Variants in SPATA22 observed in about 807,000 individuals in gnomAD.
The protein encoded by SPATA22 is spermatogenesis associated 22, also known as spermatogenesis-associated protein 22.
In SPATA22, 29 loss-of-function variants were observed where a neutral mutation model predicts 47.8. The ratio of observed to expected loss-of-function variants is 0.61; its 90% CI spans 0.45 to 0.83. SPATA22 has a LOEUF of 0.83. Ranked by LOEUF, SPATA22 falls within the 40% of genes least tolerant of loss-of-function variation. The pLI is 0.00. For missense variants in SPATA22, 410 were observed against 421.7 expected (o/e 0.97, Z 0.24); for synonymous variants, 133 against 140.9 (o/e 0.94, Z 0.40).
chr17:3,446,857 A>G (rs1403019433), intron 6 of SPATA22, among the ~76,000 whole-genome samples: 1 of 152,166 alleles, frequency 6.6e-6, no homozygotes, highest in Non-Finnish European at 1.5e-5. Flanking sequence ...TCATTCATTG[A>G]CTATTTTAAA....
In SPATA22 at chr17:3,462,573, A is replaced by G. The variant is rs564978400; in HGVS notation, c.239T>C (p.Ile80Thr). The G allele has an allele frequency of 1.2e-6, 2 of 1,612,384 alleles. No individual in the cohort carries two copies. The highest frequency in any genetic ancestry group is 2.2e-5 in the South Asian group (2 of 90,804). ...CAGAGGACGAGAAACTGAATGTGGT[A>G]TTTGCCTTTCAAGGGAATATGTCTT... is the stretch of plus-strand genomic sequence containing the variant. ...PVMKTVDTGQIPHSVSRPLRS... is the reference protein window; with the variant it reads ...PVMKTVDTGQTPHSVSRPLRS... Residue 80 changes from isoleucine (I) to threonine (T), a missense_variant, in exon 5 of 9, where the codon ATA (isoleucine) becomes ACA (threonine). Coordinates refer to ENST00000572969, the MANE Select transcript of SPATA22 (RefSeq NM_001170698.2).
intron 5 of SPATA22, among the ~76,000 whole-genome samples, chr17:3,452,977 C>G (rs756907971): frequency 1.4e-4 from 22 of 152,202 alleles, no homozygotes; most frequent in Admixed American, 2.0e-4. Flanking sequence ...ACCAATCTTT[C>G]TGAAATTCTT....
chr17:3,471,645 C>T (rs2073438544), intron 1 of SPATA22, 37 bp downstream of exon 1: 1 of 985,240 alleles, frequency 1.0e-6, no homozygotes, highest in Non-Finnish European at 1.2e-6. Flanking sequence ...CTCTCCTGAC[C>T]CGCCCACGGA....
intron 1 of SPATA22, chr17:3,483,457 A>G (rs373408610): frequency 3.8e-5 from 58 of 1,540,050 alleles, no homozygotes; most frequent in Admixed American, 2.0e-4. Context: ...AGAACAAAAC[A>G]TACGGTTTTT....
rs1215370831 is a variant in SPATA22, at chr17:3,440,261, G to C, written c.978C>G (p.Phe326Leu). Residue 326 changes from phenylalanine to leucine, a missense_variant, in exon 9 of 9, where the codon TTC becomes TTG. Physicochemically the swap from Phe to Leu is conservative, Grantham distance 22. Transcript: ENST00000572969. ...VGNYDQKKNI[F>L]QCVSVRPASV... The stretch of plus-strand genomic sequence containing the variant: ...ACGCCGGTCTGACAGAAACACATTG[G>C]AAAATGTTCTTTTTCTGGTCATAGT... The C allele has an allele frequency of 1.2e-6, 2 of 1,610,948 alleles. No individual in the cohort carries two copies. Among genetic ancestry groups the C allele is most frequent in the Non-Finnish European group, 1.7e-6 (2 of 1,178,266 alleles).
chr17:3,500,656 C>G (rs2073979001), intron 1 of SPATA22: 1 of 152,202 alleles, frequency 6.6e-6, no homozygotes, highest in African/African-American at 2.4e-5. Flanking sequence ...GTGCCTGCCA[C>G]CACGCCCGGC....
At chr17:3,444,037 CCTT>C (rs1002859337) in intron 7 of SPATA22, among the ~76,000 whole-genome samples, 20 of 152,004 alleles carry the variant, frequency 1.3e-4, no homozygotes, top group African/African-American at 4.6e-4. Context: ...ATTCCCTCCT[CCTT>C]GAGTAAATTG....
chr17:3,477,975 G>A (rs970445952), intron 1 of SPATA22, among the ~76,000 whole-genome samples: 2 of 151,668 alleles, frequency 1.3e-5, no homozygotes, highest in Admixed American at 6.6e-5. Context: ...GAGGTCAGGA[G>A]ATCAAGACCA....
chr17:3,510,493 A>T (rs942467259), intron 1 of SPATA22: 1 of 152,220 alleles, frequency 6.6e-6, no homozygotes, highest in African/African-American at 2.4e-5. Flanking sequence ...CAAGGATAAA[A>T]CGTGGCCATA....
At chr17:3,477,116 C>G (rs2073537720) in intron 1 of SPATA22, among the ~76,000 whole-genome samples, 1 of 151,952 alleles carries the variant, frequency 6.6e-6, no homozygotes, top group Non-Finnish European at 1.5e-5. Flanking sequence ...GATTGTGCCA[C>G]TGCACTCCAG....
In SPATA22 at chr17:3,508,020, C is replaced by T. The variant is rs935741005; in HGVS notation, c.-74+5392G>A. Among the ~76,000 whole-genome samples the T allele has an allele frequency of 1.3e-5, 2 of 152,296 alleles. 1 individual carries two copies. The highest frequency in any genetic ancestry group is 6.8e-3 in the Middle Eastern group (2 of 294). On this transcript the variant is annotated intron_variant, in intron 1 of 8. Coordinates refer to the SPATA22 transcript ENST00000541913. ...ACGTACAATCCCTGTCTTGCTGCCA[C>T]TCAACAAGATACATCCCAGTGAAGG... is the stretch of plus-strand genomic sequence containing the variant.
chr17:3,460,481 G>C (rs2073100971), intron 5 of SPATA22, among the ~76,000 whole-genome samples: 1 of 151,976 alleles, frequency 6.6e-6, no homozygotes, highest in Non-Finnish European at 1.5e-5. Flanking sequence ...GTTGTGTTCA[G>C]TTCTCAGCTT....
chr17:3,487,229 T>C (rs928852890), intron 1 of SPATA22, among the ~76,000 whole-genome samples: 3 of 152,174 alleles, frequency 2.0e-5, no homozygotes, highest in Non-Finnish European at 2.9e-5. Flanking sequence ...AAAATTTGTA[T>C]GCAGCAATAT....
chr17:3,491,869 T>C (rs1202807855), intron 1 of SPATA22, among the ~76,000 whole-genome samples: 3 of 128,110 alleles, frequency 2.3e-5, no homozygotes, highest in African/African-American at 8.4e-5. Context: ...ATTTTTTTCT[T>C]TTGTTTTCTT....
chr17:3,447,922 A>C (rs1459040810), intron 6 of SPATA22, among the ~76,000 whole-genome samples: 3 of 152,234 alleles, frequency 2.0e-5, no homozygotes, highest in Non-Finnish European at 4.4e-5. Context: ...TACATAGGAC[A>C]GTTCAGCCTT....
intron 1 of SPATA22, chr17:3,499,559 C>G (rs1451809791): frequency 6.6e-6 from 1 of 152,468 alleles, no homozygotes; most frequent in Non-Finnish European, 1.5e-5. Flanking sequence ...CTGTGTCACC[C>G]TTTGATAATA....
At chr17:3,447,420 G>A (rs994705310) in intron 6 of SPATA22, among the ~76,000 whole-genome samples, 13 of 148,290 alleles carry the variant, frequency 8.8e-5, no homozygotes, top group Non-Finnish European at 1.4e-4. Context: ...CTCTTCCCCC[G>A]CTTAACGAAG....
rs1394491783 is a variant in SPATA22 at position 3,485,013 on chromosome 17, T to C, written c.-73-15615A>G. On this transcript the variant is annotated intron_variant, in intron 1 of 8. Transcript: ENST00000541913. This position sits in a 1 kb window ranked among gnomAD's most constrained non-coding sequence, Gnocchi z 4.4. Reference sequence around the variant, plus strand: ...ACTTATAAATGATCATCATTCACAGTAGGGTTTTGTTTTGTTTTTTTTCTG... The same window carrying C: ...ACTTATAAATGATCATCATTCACAGCAGGGTTTTGTTTTGTTTTTTTTCTG... Among the ~76,000 whole-genome samples the C allele has an allele frequency of 2.0e-5, 3 of 152,032 alleles. No individual in the cohort carries two copies.
In SPATA22 at chr17:3,449,102, T is replaced by G; in HGVS notation, c.377A>C (p.Asn126Thr). 6.2e-7 allele frequency: 1 copy of G among 1,610,358 alleles called. No individual in the cohort carries two copies. The part of the protein sequence containing the change: ...KNTSLKTWNK[N>T]DFKPQCKRTN... ...TCGTTTACATTGAGGCTTAAAATCA[T>G]TTTTATTCCAAGTTTTCAAGCTGGT... Residue 126 changes from asparagine to threonine, a missense_variant, in exon 6 of 9, where the codon AAT becomes ACT. Transcript: ENST00000572969.
Sources: gnomAD v4.1 joint callset for allele counts (sites outside exome capture counted in the v4.1 genomes callset) on GRCh38, gnomAD v4.1.1 for gene constraint, Gnocchi (gnomAD v3.1) non-coding constraint, MANE v1.5 for transcripts, NCBI Gene and HGNC (gene_info 2026-07-23, HGNC 2026-07-21) for gene names.